Variants in RB1CC1 observed in about 807,000 individuals in gnomAD.
The protein encoded by RB1CC1 is RB1-inducible coiled-coil protein 1.
RB1CC1 carries 46 observed loss-of-function variants against 177.5 expected under a neutral mutation model. The observed-to-expected ratio is 0.26, with a 90% CI of 0.20 to 0.33. RB1CC1 has a LOEUF of 0.33. Among genes scored for constraint, RB1CC1 ranks in the 10% least tolerant of loss-of-function variants. The pLI, the probability that RB1CC1 is intolerant of heterozygous loss-of-function variation, is 1.00. For synonymous variants in RB1CC1, 666 were observed against 613.6 expected (o/e 1.09, Z -1.26); for missense variants, 1,703 against 1,816.3 (o/e 0.94, Z 1.13).
intron 15 of RB1CC1, 92 bp from the exon 16 acceptor site, chr8:52,645,959 G>T: frequency 2.5e-6 from 3 of 1,208,524 alleles, no homozygotes; most frequent in Non-Finnish European, 3.5e-6. Context: ...TCTTCCTTAA[G>T]CTCAATAATG....
rs1416317334 is a variant in RB1CC1 at position 52,686,944 on chromosome 8, G to A, written c.-143C>T. 2 of 456,544 alleles carry A rather than the reference G, an allele frequency of 4.4e-6. No homozygotes were observed. The highest frequency in any genetic ancestry group is 1.4e-4 in the East Asian group (2 of 14,390). The allele number at this position is 456,544 out of a possible 1,614,324, so 28.3% of individuals were successfully genotyped here. A position where few individuals can be genotyped will look rare whatever the true frequency, so the allele number is the denominator to read the frequency against. On this transcript the variant is annotated 5_prime_UTR_variant, in exon 2 of 24. Coordinates refer to ENST00000025008, the MANE Select transcript of RB1CC1 (RefSeq NM_014781.5). ...TTTGCTTGAGATTGGCAACTGAATG[G>A]CATTACTGGTTAAACTCAGAAAACT...
intron 1 of RB1CC1, among the ~76,000 whole-genome samples, chr8:52,688,118 C>T (rs1190582707): frequency 6.6e-6 from 1 of 152,190 alleles, no homozygotes; most frequent in Non-Finnish European, 1.5e-5. Flanking sequence ...ATTGTGTTAA[C>T]TGTACAAATT....
At chr8:52,635,452 A>G (rs1019396998) in intron 19 of RB1CC1, among the ~76,000 whole-genome samples, 41 of 152,290 alleles carry the variant, frequency 2.7e-4, no homozygotes, top group Middle Eastern at 3.4e-3. Context: ...GCATTGTTGA[A>G]AATCTTATAG....
intron 15 of RB1CC1, among the ~76,000 whole-genome samples, chr8:52,648,778 T>C (rs549126945): frequency 1.8e-4 from 28 of 152,320 alleles, no homozygotes; most frequent in African/African-American, 4.1e-4. Context: ...CTGTAGATCT[T>C]TGCAATCTCA....
At chr8:52,660,426 TATCA>T (rs1851511566) in intron 12 of RB1CC1, among the ~76,000 whole-genome samples, 166 bp downstream of exon 12, 1 of 152,232 alleles carries the variant, frequency 6.6e-6, no homozygotes, top group South Asian at 2.1e-4. Context: ...TGAATACAAA[TATCA>T]ATCTTAAAGC....
intron 1 of RB1CC1, among the ~76,000 whole-genome samples, chr8:52,707,432 CTTT>C (rs386412758): frequency 2.2e-3 from 288 of 128,836 alleles, no homozygotes; most frequent in Middle Eastern, 4.1e-3. Flanking sequence ...TTCTTTCTTT[CTTT>C]TTTTTTTTTT....
At chr8:52,652,776 G>A (rs1850724605) in intron 15 of RB1CC1, among the ~76,000 whole-genome samples, 1 of 152,130 alleles carries the variant, frequency 6.6e-6, no homozygotes, top group African/African-American at 2.4e-5. Flanking sequence ...CAAGTTTGCT[G>A]GCCAGGCGTG....
At chr8:52,688,077 G>T in intron 1 of RB1CC1, among the ~76,000 whole-genome samples, 1 of 152,186 alleles carries the variant, frequency 6.6e-6, no homozygotes, top group Non-Finnish European at 1.5e-5. Flanking sequence ...CGTAAACTGA[G>T]GATGTACGTC....
intron 8 of RB1CC1, among the ~76,000 whole-genome samples, chr8:52,666,443 A>C (rs1182927028): frequency 6.6e-6 from 1 of 151,906 alleles, no homozygotes; most frequent in Non-Finnish European, 1.5e-5. Context: ...GCTTGCACCC[A>C]GGAGGCAGAC....
Position 52,661,733 on chromosome 8 carries a change from AAT to A in RB1CC1, c.1174-16_1174-15del. 6.5e-7 allele frequency: 1 copy of A among 1,529,798 alleles called. No homozygotes were observed. Among genetic ancestry groups the A allele is most frequent in the Non-Finnish European group, 8.8e-7 (1 of 1,141,452 alleles). The allele number at this position is 1,529,798 out of a possible 1,614,324, so 94.8% of individuals were successfully genotyped here. ...AGCTAAAAATCCCTTTGAGAAAAAA[AAT>A]GTTTCAAAGGACATTAATTTTGTTT... On this transcript the variant is annotated splice_polypyrimidine_tract_variant and intron_variant, in intron 8 of 23. Coordinates refer to ENST00000025008, the MANE Select transcript of RB1CC1 (RefSeq NM_014781.5).
intron 5 of RB1CC1, among the ~76,000 whole-genome samples, chr8:52,680,511 T>C (rs1482197615): frequency 1.3e-5 from 2 of 151,922 alleles, no homozygotes; most frequent in Non-Finnish European, 2.9e-5. Context: ...ACAGAAGAGA[T>C]TGCAGAAGTA....
At chr8:52,628,008 T>G (rs755269335) in intron 22 of RB1CC1, 24 bp downstream of exon 22, 1 of 1,537,610 alleles carries the variant, frequency 6.5e-7, no homozygotes. Flanking sequence ...CAGGTTTATA[T>G]TTTAGTCATG....
rs1218301691 is a variant in RB1CC1 at position 52,698,252 on chromosome 8, AT to A, written c.-166-11286del. Among the ~76,000 whole-genome samples the A allele has an allele frequency of 3.3e-5, 5 of 151,768 alleles. No individual in the cohort carries two copies. In the South Asian group the frequency reaches 8.3e-4, roughly 25 times the overall value. On this transcript the variant is annotated intron_variant, in intron 1 of 23. Coordinates refer to ENST00000025008, the MANE Select transcript of RB1CC1 (RefSeq NM_014781.5). ...CTACCATGCCCAGCTAATTTTTTGT[AT>A]TTTTTTGTAGAGACGGCGTTTCTCC... is the stretch of plus-strand genomic sequence containing the variant.
chr8:52,705,851 T>C (rs1591150658), intron 1 of RB1CC1, among the ~76,000 whole-genome samples: 1 of 152,150 alleles, frequency 6.6e-6, no homozygotes, highest in East Asian at 1.9e-4. Context: ...AAATAATAAA[T>C]TATTACACAA....
rs34520917 is a variant in RB1CC1 at position 52,643,696 on chromosome 8, CAAA to C, written c.3988-887_3988-885del. Among the ~76,000 whole-genome samples the C allele has an allele frequency of 7.2e-3, 580 of 81,072 alleles. 6 individuals are homozygous for C. Among genetic ancestry groups the C allele is most frequent in the African/African-American group, 0.026 (530 of 20,434 alleles). The allele number at this position is 81,072 out of a possible 152,430, so 53.2% of individuals were successfully genotyped here. A position where few individuals can be genotyped will look rare whatever the true frequency, so the allele number is the denominator to read the frequency against. The stretch of plus-strand genomic sequence containing the variant: ...AGAGTAAGACCCTGTCTCTAAGAGG[CAAA>C]AAAAAAAAAAAAAAAAAAAATTTAC... On this transcript the variant is annotated intron_variant, in intron 16 of 23. Transcript: ENST00000025008.
chr8:52,632,158 T>C (rs187827035), intron 20 of RB1CC1, among the ~76,000 whole-genome samples: 25 of 152,270 alleles, frequency 1.6e-4, no homozygotes, highest in Non-Finnish European at 2.5e-4. Flanking sequence ...CTTCAATCCA[T>C]TTATCCACAC....
chr8:52,687,748 G>A (rs1377496520), intron 1 of RB1CC1, among the ~76,000 whole-genome samples: 1 of 152,136 alleles, frequency 6.6e-6, no homozygotes, highest in Non-Finnish European at 1.5e-5. Context: ...CCAACACTTT[G>A]ACTGAAGTCT....
chr8:52,639,817 T>A (rs1472360541), intron 18 of RB1CC1, among the ~76,000 whole-genome samples: 1 of 152,216 alleles, frequency 6.6e-6, no homozygotes, highest in East Asian at 1.9e-4. Context: ...CACTGGGTCA[T>A]GATGACTATA....
Position 52,657,260 on chromosome 8 carries a change from T to C in RB1CC1, c.2569A>G (p.Ile857Val). Residue 857 changes from isoleucine to valine, a missense_variant, in exon 15 of 24, where the codon ATA (isoleucine) becomes GTA (valine). Physicochemically the swap from Ile to Val is conservative, Grantham distance 29 (BLOSUM62 3). Around this residue, in one of 6 missense-constraint regions of RB1CC1, gnomAD observed 1,169 missense variants for 1,184.7 expected, o/e 0.99. Transcript: ENST00000025008. ...IIEKVKCSLE[I>V]TLKEKHQKEL... Reference sequence around the variant, plus strand: ...TTTTGATGTTTTTCTTTTAGTGTTATTTCCAGAGAACATTTTACTTTTTCA... The same window carrying C: ...TTTTGATGTTTTTCTTTTAGTGTTACTTCCAGAGAACATTTTACTTTTTCA... 2 of 1,599,740 alleles carry C rather than the reference T, an allele frequency of 1.3e-6. No homozygotes were observed. The highest frequency in any genetic ancestry group is 1.7e-6 in the Non-Finnish European group (2 of 1,168,424).
Sources: gnomAD v4.1 joint callset for allele counts (sites outside exome capture counted in the v4.1 genomes callset) on GRCh38, gnomAD v4.1.1 for gene constraint, gnomAD v4.1.1 regional missense constraint, MANE v1.5 for transcripts, NCBI Gene and HGNC (gene_info 2026-07-23, HGNC 2026-07-21) for gene names.